Variants in EXOSC4 observed in about 807,000 individuals in gnomAD.
The protein encoded by EXOSC4 is exosome complex component RRP41.
Under a neutral mutation model 20.0 loss-of-function variants are expected in EXOSC4, and 14 were observed. The observed-to-expected ratio is 0.70, with a 90% CI of 0.46 to 1.09. EXOSC4 has a LOEUF of 1.09. Ranked by LOEUF, EXOSC4 falls within the 50% of genes least tolerant of loss-of-function variation. EXOSC4 has a pLI of 0.00. For missense variants in EXOSC4, 337 were observed against 334.0 expected, an observed-to-expected ratio of 1.01 and a Z score of -0.07; for synonymous variants, 148 against 146.4, an observed-to-expected ratio of 1.01 and a Z score of -0.08.
upstream of EXOSC4, chr8:144,078,605 C>A (rs1554762989): frequency 8.8e-7 from 1 of 1,134,544 alleles, no homozygotes; most frequent in Non-Finnish European, 1.2e-6. This position sits in a 1 kb window ranked among gnomAD's most constrained non-coding sequence, Gnocchi z 4.7. Flanking sequence ...TGTAGTTCCC[C>A]GGAACCGGAA....
At chr8:144,069,820 C>T in the EXOSC4 span, among the ~76,000 whole-genome samples, 1 of 152,218 alleles carries the variant, frequency 6.6e-6, no homozygotes, top group South Asian at 2.1e-4. Flanking sequence ...CTGGAATCAC[C>T]CCAAAAACAG....
chr8:144,074,225 T>A (rs1485806387), upstream of EXOSC4, among the ~76,000 whole-genome samples: 1 of 152,156 alleles, frequency 6.6e-6, no homozygotes, highest in Non-Finnish European at 1.5e-5. Flanking sequence ...GCTAAAACTG[T>A]CTCTTCCCCC....
the EXOSC4 span, among the ~76,000 whole-genome samples, chr8:144,069,695 G>C: frequency 6.6e-6 from 1 of 152,222 alleles, no homozygotes; most frequent in African/African-American, 2.4e-5. Flanking sequence ...GAGTGTCTTT[G>C]GGGTTGTTAT....
chr8:144,073,068 C>T, the EXOSC4 span, among the ~76,000 whole-genome samples: 2 of 152,204 alleles, frequency 1.3e-5, 1 homozygote, highest in Middle Eastern at 6.3e-3. Context: ...TGCTGAATGT[C>T]CAGCCCATAG....
At chr8:144,068,803 G>A in the EXOSC4 span, among the ~76,000 whole-genome samples, 13 of 152,290 alleles carry the variant, frequency 8.5e-5, no homozygotes, top group South Asian at 2.7e-3. Flanking sequence ...TGGCTGCAAG[G>A]CAGAGGCACC....
upstream of EXOSC4, among the ~76,000 whole-genome samples, chr8:144,074,954 A>T (rs1431428888): frequency 6.6e-6 from 1 of 152,242 alleles, no homozygotes; most frequent in East Asian, 1.9e-4. Context: ...CTAAAAATGT[A>T]CATATTACCC....
At chr8:144,078,464 G>A, upstream of EXOSC4, 1 of 339,560 alleles carries the variant, frequency 2.9e-6, no homozygotes, top group East Asian at 4.5e-5. This position sits in a 1 kb window ranked among gnomAD's most constrained non-coding sequence, Gnocchi z 4.7. Context: ...GGAGACAGAA[G>A]TAGAGCCGGA....
In EXOSC4 at chr8:144,080,453, C is replaced by T. The variant is rs376508817; in HGVS notation, c.590C>T (p.Ala197Val). The change falls in exon 3 of 3, where the codon GCG (alanine) becomes GTG (valine). Residue 197 changes from alanine (A) to valine (V), a missense_variant. Ala to Val is a moderately conservative substitution (Grantham distance 64, BLOSUM62 0). Coordinates refer to ENST00000316052, the MANE Select transcript of EXOSC4 (RefSeq NM_019037.3). This position sits in a 1 kb window ranked among gnomAD's most constrained non-coding sequence, Gnocchi z 4.9. Reference protein sequence around the residue: ...LALLPASGQIALLEMDARLHE... With the variant: ...LALLPASGQIVLLEMDARLHE... ...CTGCTGCCAGCCTCAGGACAGATTG[C>T]GCTGCTTGAGATGGATGCCCGGCTG... 31 of 1,609,582 alleles carry T rather than the reference C, an allele frequency of 1.9e-5. No homozygotes were observed. The African/African-American group carries it at 2.7e-4, about 14-fold the overall frequency.
chr8:144,076,232 G>T (rs1377210100), upstream of EXOSC4, among the ~76,000 whole-genome samples: 24 of 152,196 alleles, frequency 1.6e-4, no homozygotes, highest in African/African-American at 5.3e-4. Context: ...TTCTTCCCGT[G>T]GAGTCCACCA....
the EXOSC4 span, among the ~76,000 whole-genome samples, chr8:144,070,972 G>A: frequency 6.6e-6 from 1 of 151,986 alleles, no homozygotes; most frequent in East Asian, 1.9e-4. Context: ...GAAGCCAGAA[G>A]TTCTTAAAAA....
chr8:144,066,243 T>A, the EXOSC4 span, among the ~76,000 whole-genome samples: 2 of 151,248 alleles, frequency 1.3e-5, no homozygotes, highest in Non-Finnish European at 2.9e-5. Flanking sequence ...ATGGTCTCTA[T>A]CTCCTGACCT....
At chr8:144,078,530 A>T, upstream of EXOSC4, 1 of 473,646 alleles carries the variant, frequency 2.1e-6, no homozygotes. This position sits in a 1 kb window ranked among gnomAD's most constrained non-coding sequence, Gnocchi z 4.7. Context: ...CCAGTTCACC[A>T]GGACAGGAAG....
chr8:144,079,158 GC>G, intron 1 of EXOSC4: 1 of 375,084 alleles, frequency 2.7e-6, no homozygotes, highest in Non-Finnish European at 4.8e-6. Context: ...TCCCCCACTC[GC>G]TCCCTCTCCT....
chr8:144,074,849 A>C (rs969307300), upstream of EXOSC4, among the ~76,000 whole-genome samples: 1 of 151,822 alleles, frequency 6.6e-6, no homozygotes, highest in African/African-American at 2.4e-5. Context: ...GTTGGATTAC[A>C]GGCACGAGCT....
upstream of EXOSC4, among the ~76,000 whole-genome samples, chr8:144,074,055 A>G (rs1249157768): frequency 6.6e-6 from 1 of 152,170 alleles, no homozygotes; most frequent in Non-Finnish European, 1.5e-5. Flanking sequence ...GTGCTGCTGT[A>G]AGGAGTTGGC....
At chr8:144,078,397 C>T, upstream of EXOSC4, 1 of 221,700 alleles carries the variant, frequency 4.5e-6, no homozygotes, top group Non-Finnish European at 8.8e-6. This position sits in a 1 kb window ranked among gnomAD's most constrained non-coding sequence, Gnocchi z 4.7. Context: ...TGGCACAGCT[C>T]CGGGAACGGC....
At chr8:144,065,336 C>T in the EXOSC4 span, among the ~76,000 whole-genome samples, 26 of 152,276 alleles carry the variant, frequency 1.7e-4, no homozygotes, top group African/African-American at 5.3e-4. Flanking sequence ...GTGGAGCCAT[C>T]GCAGGGCCCC....
the EXOSC4 span, among the ~76,000 whole-genome samples, chr8:144,064,276 C>T: frequency 1.3e-5 from 2 of 152,262 alleles, no homozygotes; most frequent in Non-Finnish European, 2.9e-5. Flanking sequence ...TCCGCACCCA[C>T]CCGTCTGACA....
At chr8:144,079,210 A>C (rs918783957) in intron 1 of EXOSC4, 2 of 301,904 alleles carry the variant, frequency 6.6e-6, no homozygotes, top group Non-Finnish European at 1.2e-5. Context: ...AGACGACCTT[A>C]TTATCCACGC....
Sources: gnomAD v4.1 joint callset for allele counts (sites outside exome capture counted in the v4.1 genomes callset) on GRCh38, gnomAD v4.1.1 for gene constraint, Gnocchi (gnomAD v3.1) non-coding constraint, MANE v1.5 for transcripts, NCBI Gene and HGNC (gene_info 2026-07-23, HGNC 2026-07-21) for gene names.